The following FBXL17 variants were observed in gnomAD, a reference collection of about 807,000 sequenced individuals.
The protein encoded by FBXL17 is F-box/LRR-repeat protein 17.
Under a neutral mutation model 66.2 loss-of-function variants are expected in FBXL17, and 22 were observed. The ratio of observed to expected loss-of-function variants is 0.33; its 90% CI spans 0.24 to 0.47. FBXL17 has a LOEUF of 0.47. FBXL17 is among the 20% of genes least tolerant of loss of function. FBXL17 has a pLI of 1.00. For synonymous variants in FBXL17, 474 were observed against 400.5 expected, an observed-to-expected ratio of 1.18 and a Z score of -2.19; for missense variants, 878 against 948.2, an observed-to-expected ratio of 0.93 and a Z score of 0.97.
At chr5:108,223,057 A>T (rs1277915813) in intron 5 of FBXL17, among the ~76,000 whole-genome samples, 1 of 152,066 alleles carries the variant, frequency 6.6e-6, no homozygotes, top group Non-Finnish European at 1.5e-5. Flanking sequence ...TATATATATT[A>T]CCTTATTTAA....
chr5:108,249,428 A>C (rs947064390), intron 4 of FBXL17, among the ~76,000 whole-genome samples: 1 of 152,174 alleles, frequency 6.6e-6, no homozygotes, highest in Admixed American at 6.6e-5. Context: ...GGTCAAACAA[A>C]TATACTGCCT....
intron 6 of FBXL17, among the ~76,000 whole-genome samples, chr5:108,028,408 G>C (rs917358297): frequency 6.6e-6 from 1 of 152,088 alleles, no homozygotes; most frequent in Non-Finnish European, 1.5e-5. Context: ...GAAAGTCTCA[G>C]TTCAACAGAG....
chr5:107,878,216 C>A, intron 8 of FBXL17: 1 of 954,790 alleles, frequency 1.0e-6, no homozygotes, highest in Non-Finnish European at 1.2e-6. Flanking sequence ...AAAGGCAAAG[C>A]ATTCTCTAGT....
intron 6 of FBXL17, among the ~76,000 whole-genome samples, chr5:108,169,792 G>A (rs1296629837): frequency 6.6e-6 from 1 of 152,020 alleles, no homozygotes; most frequent in East Asian, 1.9e-4. Context: ...ACTTGAGTAG[G>A]TCAATTTTCT....
chr5:108,284,625 A>G (rs1757828311), intron 4 of FBXL17, among the ~76,000 whole-genome samples: 1 of 151,846 alleles, frequency 6.6e-6, no homozygotes, highest in Non-Finnish European at 1.5e-5. Context: ...GGTGATGGAT[A>G]CCCTTAAAGC....
rs1200458086 is a variant in FBXL17, at chr5:107,860,391, T to C, written c.*1329A>G. ...AAAAGGCTCCCTGATGTCCTCATTA[T>C]AAATCTAGACACAGGAACAGTTATT... On this transcript the variant is annotated 3_prime_UTR_variant, in exon 9 of 9. Transcript: ENST00000542267. 1 of 152,668 alleles carries C rather than the reference T, an allele frequency of 6.6e-6. No individual in the cohort carries two copies. The highest frequency in any genetic ancestry group is 2.4e-5 in the African/African-American group (1 of 41,460). The allele number at this position is 152,668 out of a possible 1,614,324, so 9.5% of individuals were successfully genotyped here.
chr5:108,058,646 G>A (rs914722557), intron 6 of FBXL17, among the ~76,000 whole-genome samples: 7 of 151,954 alleles, frequency 4.6e-5, no homozygotes, highest in African/African-American at 9.7e-5. Flanking sequence ...TGCCACACCC[G>A]GCTAATTTTT....
At chr5:108,284,607 G>T (rs1757827607) in intron 4 of FBXL17, among the ~76,000 whole-genome samples, 2 of 151,792 alleles carry the variant, frequency 1.3e-5, no homozygotes, top group Non-Finnish European at 1.5e-5. Flanking sequence ...TACAATGTAG[G>T]TTATTAGGGT....
At chr5:108,196,895 G>C (rs76992805) in intron 5 of FBXL17, among the ~76,000 whole-genome samples, 19 of 152,060 alleles carry the variant, frequency 1.2e-4, no homozygotes, top group African/African-American at 4.6e-4. Context: ...TTTTTTTTAA[G>C]AGCCTCTGTA....
chr5:107,899,644 T>G (rs1749503049), intron 7 of FBXL17, among the ~76,000 whole-genome samples: 1 of 152,140 alleles, frequency 6.6e-6, no homozygotes, highest in Non-Finnish European at 1.5e-5. Flanking sequence ...ACATGGGAAG[T>G]TGGTGCCCCT....
At chr5:107,886,316 AAGTG>A (rs957052983) in intron 7 of FBXL17, among the ~76,000 whole-genome samples, 5 of 152,192 alleles carry the variant, frequency 3.3e-5, no homozygotes, top group African/African-American at 1.2e-4. Flanking sequence ...ATAGCTACAG[AAGTG>A]AGTAATAAGT....
At chr5:107,909,945 G>A (rs1260939608) in intron 7 of FBXL17, among the ~76,000 whole-genome samples, 1 of 152,162 alleles carries the variant, frequency 6.6e-6, no homozygotes, top group African/African-American at 2.4e-5. Flanking sequence ...GCTGCTGAAT[G>A]TATATGATAC....
chr5:107,989,149 A>C (rs1236154136), intron 7 of FBXL17, among the ~76,000 whole-genome samples: 1 of 152,038 alleles, frequency 6.6e-6, no homozygotes, highest in African/African-American at 2.4e-5. Flanking sequence ...GAATATTCCA[A>C]ATCTTCTCTT....
intron 6 of FBXL17, among the ~76,000 whole-genome samples, chr5:108,043,321 T>C (rs1580364436): frequency 6.6e-6 from 1 of 152,170 alleles, no homozygotes; most frequent in African/African-American, 2.4e-5. Flanking sequence ...CTGAAGGTTT[T>C]TCCCCCCCTA....
chr5:107,972,877 A>C (rs553464022), intron 7 of FBXL17, among the ~76,000 whole-genome samples: 1 of 152,334 alleles, frequency 6.6e-6, no homozygotes, highest in South Asian at 2.1e-4. Context: ...TACAATGCCA[A>C]ATATAACAAA....
chr5:107,885,451 A>C (rs1179796171), intron 7 of FBXL17, among the ~76,000 whole-genome samples: 1 of 152,234 alleles, frequency 6.6e-6, no homozygotes, highest in African/African-American at 2.4e-5. Context: ...TTACTTCCGT[A>C]TATACAAGTT....
chr5:107,895,140 C>A (rs1057462724), intron 7 of FBXL17, among the ~76,000 whole-genome samples: 2 of 152,070 alleles, frequency 1.3e-5, no homozygotes, highest in African/African-American at 4.8e-5. Context: ...CTTTTATCCA[C>A]AATTTTTTTA....
At chr5:107,878,131 G>C (rs1269551776) in intron 8 of FBXL17, 1 of 571,670 alleles carries the variant, frequency 1.7e-6, no homozygotes, top group South Asian at 7.7e-5. Flanking sequence ...ATTGCAAAGT[G>C]TGTAGAAAGT....
chr5:107,970,047 A>G (rs997286035), intron 7 of FBXL17, among the ~76,000 whole-genome samples: 1 of 152,082 alleles, frequency 6.6e-6, no homozygotes, highest in Non-Finnish European at 1.5e-5. Flanking sequence ...ATACAATAAC[A>G]TTTTTGTCAG....
Sources: allele counts gnomAD v4.1 joint callset (sites outside exome capture counted in the v4.1 genomes callset), GRCh38; gene constraint gnomAD v4.1.1; transcripts MANE v1.5; gene names NCBI Gene and HGNC (gene_info 2026-07-23, HGNC 2026-07-21).